The following SLC5A4 variants were observed in gnomAD, a reference collection of about 807,000 sequenced individuals.
The protein encoded by SLC5A4 is solute carrier family 5 member 4, also known as probable glucose sensor protein SLC5A4.
In SLC5A4, 55 loss-of-function variants were observed where a neutral mutation model predicts 70.3. The observed-to-expected ratio is 0.78, with a 90% CI of 0.63 to 0.98. The LOEUF (loss-of-function observed/expected upper bound fraction) is 0.98, where lower values mean the gene tolerates loss of function less well. Ranked by LOEUF, SLC5A4 falls within the 50% of genes least tolerant of loss-of-function variation. SLC5A4 has a pLI of 0.00. For synonymous variants in SLC5A4, 268 were observed against 305.7 expected (o/e 0.88, Z 1.29); for missense variants, 735 against 839.2 (o/e 0.88, Z 1.53).
intron 9 of SLC5A4, 149 bp downstream of exon 9, chr22:32,232,750 T>C: frequency 1.1e-6 from 1 of 921,200 alleles, no homozygotes; most frequent in Non-Finnish European, 1.6e-6. Context: ...TTTTCCTGCC[T>C]TTGACCACTG....
At chr22:32,276,638 T>A in the SLC5A4 span, 1 of 152,178 alleles carries the variant, frequency 6.6e-6, no homozygotes. Flanking sequence ...TATAACTACA[T>A]TTCTTTTAAA....
At chr22:32,328,356 G>C in the SLC5A4 span, among the ~76,000 whole-genome samples, 2 of 152,132 alleles carry the variant, frequency 1.3e-5, no homozygotes, top group Non-Finnish European at 2.9e-5. Context: ...TGGCTCGCTT[G>C]TAACAAATGG....
chr22:32,222,902 A>G (rs944707498), intron 13 of SLC5A4, among the ~76,000 whole-genome samples: 1 of 152,196 alleles, frequency 6.6e-6, no homozygotes, highest in Admixed American at 6.5e-5. Context: ...TAATTAGTTA[A>G]TATTTGCTGG....
At chr22:32,332,959 C>T in the SLC5A4 span, among the ~76,000 whole-genome samples, 9,147 of 152,268 alleles carry the variant, frequency 0.06, 316 homozygotes, top group South Asian at 0.1. Flanking sequence ...TTTTTCAAAG[C>T]GTTTTTCAAA....
At chr22:32,232,854 A>C (rs1044357494) in intron 9 of SLC5A4, 45 bp downstream of exon 9, 18 of 1,576,296 alleles carry the variant, frequency 1.1e-5, no homozygotes, top group Non-Finnish European at 1.6e-5. Context: ...CACTTATCAG[A>C]ATACAAGCAT....
the SLC5A4 span, chr22:32,270,173 C>T: frequency 4.4e-5 from 29 of 653,272 alleles, no homozygotes; most frequent in Non-Finnish European, 8.0e-5. Flanking sequence ...CCCAGTCGGG[C>T]ACACAGCTGG....
the SLC5A4 span, chr22:32,273,000 A>G: frequency 1.1e-5 from 6 of 540,720 alleles, no homozygotes; most frequent in Admixed American, 2.2e-5. Context: ...CTCAACCGCT[A>G]CCTGTACCTG....
At chr22:32,308,531 G>T in the SLC5A4 span, among the ~76,000 whole-genome samples, 3 of 152,178 alleles carry the variant, frequency 2.0e-5, no homozygotes. Context: ...AGAGCTTTTG[G>T]GATGACGGTT....
the SLC5A4 span, among the ~76,000 whole-genome samples, chr22:32,295,146 G>T: frequency 4.6e-5 from 5 of 108,288 alleles, 2 homozygotes; most frequent in Admixed American, 2.0e-4. Context: ...TATCTTTATA[G>T]CAGCATGATT....
At chr22:32,292,056 T>C in the SLC5A4 span, among the ~76,000 whole-genome samples, 3 of 139,144 alleles carry the variant, frequency 2.2e-5, no homozygotes, top group Non-Finnish European at 4.5e-5. Context: ...ATATTTTTAG[T>C]AGAGACGGGG....
the SLC5A4 span, among the ~76,000 whole-genome samples, chr22:32,335,946 G>A: frequency 7.1e-4 from 108 of 152,346 alleles, 1 homozygote; most frequent in East Asian, 7.5e-3. Flanking sequence ...CGAAATGCCC[G>A]TGTTGGGAGA....
At chr22:32,318,430 T>C in the SLC5A4 span, among the ~76,000 whole-genome samples, 1 of 152,132 alleles carries the variant, frequency 6.6e-6, no homozygotes. Flanking sequence ...TCCTCCCCCA[T>C]CTAGCTTTTC....
At chr22:32,315,807 AAAAAAAAAG>A in the SLC5A4 span, among the ~76,000 whole-genome samples, 1 of 131,020 alleles carries the variant, frequency 7.6e-6, no homozygotes, top group South Asian at 3.0e-4. Flanking sequence ...AAAAAAAAAA[AAAAAAAAAG>A]AGACTGGATC....
At chr22:32,282,494 A>G in the SLC5A4 span, among the ~76,000 whole-genome samples, 52,652 of 151,714 alleles carry the variant, frequency 0.35, 9,283 homozygotes, top group East Asian at 0.42. Context: ...ACATGTTGGC[A>G]CATTCTGGAG....
chr22:32,260,875 C>T, the SLC5A4 span, among the ~76,000 whole-genome samples: 1 of 152,164 alleles, frequency 6.6e-6, no homozygotes, highest in Admixed American at 6.5e-5. Context: ...GAGTTTGACA[C>T]CAGCCTGGCC....
the SLC5A4 span, chr22:32,269,533 G>C: frequency 1.6e-6 from 1 of 616,388 alleles, no homozygotes; most frequent in Non-Finnish European, 3.2e-6. This position sits in a 1 kb window ranked among gnomAD's most constrained non-coding sequence, Gnocchi z 4.1. Context: ...GCTCCATCGT[G>C]GCCATCTTGC....
intron 5 of SLC5A4, among the ~76,000 whole-genome samples, chr22:32,241,141 G>C (rs1283829389): frequency 1.3e-5 from 2 of 152,240 alleles, no homozygotes; most frequent in Non-Finnish European, 2.9e-5. Flanking sequence ...CTTATCTGAA[G>C]AAACTTAGAG....
the SLC5A4 span, among the ~76,000 whole-genome samples, chr22:32,344,442 T>C: frequency 6.6e-6 from 1 of 152,208 alleles, no homozygotes. Context: ...CTAACAAAGA[T>C]GCAGGAAAGT....
the SLC5A4 span, among the ~76,000 whole-genome samples, chr22:32,330,932 TGTATGTG>T: frequency 3.7e-4 from 8 of 21,722 alleles, no homozygotes; most frequent in East Asian, 1.3e-3. Flanking sequence ...GCCTCTGGTG[TGTATGTG>T]TTGGAGGCTC....
Sources: gnomAD v4.1 joint callset for allele counts (sites outside exome capture counted in the v4.1 genomes callset) on GRCh38, gnomAD v4.1.1 for gene constraint, Gnocchi (gnomAD v3.1) non-coding constraint, MANE v1.5 for transcripts, NCBI Gene and HGNC (gene_info 2026-07-23, HGNC 2026-07-21) for gene names.